Variants in PLXNB2 observed in about 807,000 individuals in gnomAD.
PLXNB2 encodes plexin B2.
Under a neutral mutation model 202.6 loss-of-function variants are expected in PLXNB2, and 85 were observed. The observed-to-expected ratio is 0.42, with a 90% CI of 0.35 to 0.50. PLXNB2 has a LOEUF of 0.50. Among genes scored for constraint, PLXNB2 ranks in the 20% least tolerant of loss-of-function variants. The probability of loss-of-function intolerance (pLI) is 0.02; values close to 1 mark genes in which losing one functional copy is unlikely to be tolerated. For synonymous variants in PLXNB2, 1,239 were observed against 1,137.6 expected, an observed-to-expected ratio of 1.09 and a Z score of -1.79; for missense variants, 2,063 against 2,586.2, an observed-to-expected ratio of 0.80 and a Z score of 4.39.
intron 1 of PLXNB2, chr22:50,300,175 G>T (rs998606788): frequency 1.4e-5 from 10 of 733,998 alleles, no homozygotes; most frequent in African/African-American, 1.9e-5. Flanking sequence ...CAGGCCGGGG[G>T]CCCAGGACGC....
rs1312511592 is a variant in PLXNB2 at position 50,288,316 on chromosome 22, G to A, written c.1381-279C>T. ...GCTCCCTCCGAGGGGTGCTCCTAGG[G>A]CTGGCCTGAGGGTCTCTGGCACTAA... On this transcript the variant is annotated intron_variant, in intron 5 of 36. Coordinates refer to ENST00000359337, the MANE Select transcript of PLXNB2 (RefSeq NM_012401.4). This position sits in a 1 kb window ranked among gnomAD's most constrained non-coding sequence, Gnocchi z 5.0. Among the ~76,000 whole-genome samples, 2 of 152,072 alleles carry A rather than the reference G, an allele frequency of 1.3e-5. No individual in the cohort carries two copies. Among genetic ancestry groups the A allele is most frequent in the Non-Finnish European group, 2.9e-5 (2 of 68,002 alleles).
In PLXNB2 at chr22:50,288,724, G is replaced by C. The variant is rs754045403; in HGVS notation, c.1380+19C>G. On this transcript the variant is annotated intron_variant, in intron 5 of 36. Coordinates refer to ENST00000359337, the MANE Select transcript of PLXNB2 (RefSeq NM_012401.4). The surrounding 1 kb of genome is among the most constrained non-coding windows in gnomAD (Gnocchi z 5.0). ...GCACACTTGGCCTAGAGTGCTCTCC[G>C]GGGCTGCGTCTGGCTCACCTTGTCC... 2.2e-5 allele frequency: 35 copies of C among 1,612,034 alleles called. 1 individual carries two copies. The Middle Eastern group carries it at 1.2e-3, about 55-fold the overall frequency.
rs761110627 is a variant in PLXNB2 at position 50,288,783 on chromosome 22, G to C, written c.1340C>G (p.Ser447Cys). The change falls in exon 5 of 37, where the codon TCT (serine) becomes TGT (cysteine). Residue 447 changes from serine to cysteine, a missense_variant. Ser to Cys is a moderately radical substitution (Grantham distance 112). Around this residue, in one of 2 missense-constraint regions of PLXNB2, gnomAD observed 1,303 missense variants for 1,476.8 expected, o/e 0.88. Transcript: ENST00000359337. The surrounding 1 kb of genome is among the most constrained non-coding windows in gnomAD (Gnocchi z 5.0). Reference protein sequence around the residue: ...NKRVKRDLVLSGDLGSLYAMT... With the variant: ...NKRVKRDLVLCGDLGSLYAMT... ...GGCGTACAGGCTGCCCAGGTCTCCA[G>C]ACAGTACCAGGTCGCGCTTGACTCT... is the stretch of plus-strand genomic sequence containing the variant. 6.2e-7 allele frequency: 1 copy of C among 1,613,130 alleles called. No homozygotes were observed.
Position 50,289,205 on chromosome 22 carries a change from C to G in PLXNB2, c.1069-63G>C. On this transcript the variant is annotated intron_variant, in intron 3 of 36. Coordinates refer to ENST00000359337, the MANE Select transcript of PLXNB2 (RefSeq NM_012401.4). This position sits in a 1 kb window ranked among gnomAD's most constrained non-coding sequence, Gnocchi z 8.0. ...TGTCCTGAAGGGCCCTCTCCACTCG[C>G]GCTCCAAGACTCGGGACAGGCCCTT... is the stretch of plus-strand genomic sequence containing the variant. 7.2e-7 allele frequency: 1 copy of G among 1,387,652 alleles called. No individual in the cohort carries two copies. The highest frequency in any genetic ancestry group is 1.4e-5 in the South Asian group (1 of 71,654). The allele number at this position is 1,387,652 out of a possible 1,614,324, so 86.0% of individuals were successfully genotyped here. A position where few individuals can be genotyped will look rare whatever the true frequency, so the allele number is the denominator to read the frequency against.
At chr22:50,299,930 C>T (rs556237455) in intron 1 of PLXNB2, among the ~76,000 whole-genome samples, 109 of 152,270 alleles carry the variant, frequency 7.2e-4, no homozygotes, top group African/African-American at 2.5e-3. Flanking sequence ...GGCGCCGGCA[C>T]CGCCAGACTC....
intron 28 of PLXNB2, 21 bp downstream of exon 28, chr22:50,278,834 C>A (rs200575888): frequency 1.2e-6 from 2 of 1,604,184 alleles, no homozygotes; most frequent in South Asian, 1.1e-5. Context: ...TGTGTGCAGA[C>A]GGGCAGGGGC....
chr22:50,276,593 G>A (rs775405488), intron 35 of PLXNB2, 36 bp downstream of exon 35: 2 of 1,532,376 alleles, frequency 1.3e-6, no homozygotes, highest in East Asian at 2.2e-5. Context: ...GTGGGAGCGG[G>A]GAGGGCTGTG....
intron 28 of PLXNB2, 25 bp from the exon 29 acceptor site, chr22:50,278,721 G>C: frequency 3.1e-6 from 5 of 1,598,690 alleles, no homozygotes; most frequent in Admixed American, 1.7e-5. Flanking sequence ...AGCCCAGCTT[G>C]GGCCCCAGCC....
Position 50,287,227 on chromosome 22 carries a change from T to C in PLXNB2, c.1646A>G (p.Glu549Gly). Residue 549 changes from glutamate to glycine, a missense_variant, in exon 8 of 37, where the codon GAG (glutamate) becomes GGG (glycine). Physicochemically the swap from Glu to Gly is moderately conservative, Grantham distance 98. Transcript: ENST00000359337. ...LTVSPLPALS[E>G]EDELLCLFGE... is the part of the protein sequence containing the mutation. ...AAAAAGGCACAGCAACTCGTCCTCC[T>C]CGCTCAGGGCAGGGAGGGGGCTGAC... 1 of 1,550,088 alleles carries C rather than the reference T, an allele frequency of 6.5e-7. No individual in the cohort carries two copies. The highest frequency in any genetic ancestry group is 8.7e-7 in the Non-Finnish European group (1 of 1,146,708).
chr22:50,288,891 C>T lies in PLXNB2; in HGVS notation c.1252-20G>A. 1 of 1,612,896 alleles carries T rather than the reference C, an allele frequency of 6.2e-7. No individual in the cohort carries two copies. The highest frequency in any genetic ancestry group is 8.5e-7 in the Non-Finnish European group (1 of 1,179,734). On this transcript the variant is annotated intron_variant, in intron 4 of 36. Coordinates refer to ENST00000359337, the MANE Select transcript of PLXNB2 (RefSeq NM_012401.4). This position sits in a 1 kb window ranked among gnomAD's most constrained non-coding sequence, Gnocchi z 5.0. ...GTACACCTGTGTGCGCGAGGGCAGG[C>T]CGGTGAGGGTACGGGCCTTGTGCAC...
In PLXNB2 at chr22:50,284,712, TG is replaced by T; in HGVS notation, c.2089-48del. The T allele has an allele frequency of 1.4e-6, 2 of 1,456,834 alleles. No homozygotes were observed. The highest frequency in any genetic ancestry group is 1.9e-6 in the Non-Finnish European group (2 of 1,038,714). 90.2% of individuals were successfully genotyped at this position (1,456,834 alleles called of 1,614,324 possible). A position where few individuals can be genotyped will look rare whatever the true frequency, so the allele number is the denominator to read the frequency against. ...CCCTGGACAGGCGGCTGTGGCACCCTGGCCCTCCTCCCAGAACCCCTGCAGC... is the reference window on the plus strand; with the variant it reads ...CCCTGGACAGGCGGCTGTGGCACCCTGCCCTCCTCCCAGAACCCCTGCAGC... On this transcript the variant is annotated intron_variant, in intron 11 of 36. Transcript: ENST00000359337. The surrounding 1 kb of genome is among the most constrained non-coding windows in gnomAD (Gnocchi z 8.0).
rs915854704 is a variant in PLXNB2, at chr22:50,291,941, C to T, written c.-13-1344G>A. Among the ~76,000 whole-genome samples the T allele has an allele frequency of 1.3e-5, 2 of 152,222 alleles. No homozygotes were observed. The highest frequency in any genetic ancestry group is 4.8e-5 in the African/African-American group (2 of 41,450). On this transcript the variant is annotated intron_variant, in intron 2 of 36. Transcript: ENST00000359337. The surrounding 1 kb of genome is among the most constrained non-coding windows in gnomAD (Gnocchi z 4.3). ...CCCCACCTCCCTGTGCAGGCCCACC[C>T]CGTGCCTCCAGAGGGACTGCCACAT...
chr22:50,306,240 C>G (rs114660075), intron 1 of PLXNB2, among the ~76,000 whole-genome samples: 1 of 152,316 alleles, frequency 6.6e-6, no homozygotes, highest in Non-Finnish European at 1.5e-5. Flanking sequence ...CCAGACCCCC[C>G]GGGACAGAGG....
At position 50,282,888 on chromosome 22, in the gene PLXNB2, G is replaced by T; in HGVS notation, c.2817-7C>A. 1 of 1,606,082 alleles carries T rather than the reference G, an allele frequency of 6.2e-7. No homozygotes were observed. ...CTGCGCCCCAAACTTCGTCCTGGGG[G>T]AGGGAGGGTGCTGGTCTGCATCAAC... On this transcript the variant is annotated splice_region_variant and splice_polypyrimidine_tract_variant and intron_variant, in intron 17 of 36. Transcript: ENST00000359337.
At position 50,279,062 on chromosome 22, in the gene PLXNB2, C is replaced by T. The variant is rs779102045; in HGVS notation, c.4390-51G>A. The T allele has an allele frequency of 3.9e-6, 6 of 1,539,228 alleles. No homozygotes were observed. The Admixed American group carries it at 1.1e-4, about 29-fold the overall frequency. The stretch of plus-strand genomic sequence containing the variant: ...CAGTGGGAGGCCCTGCTCTTACCTG[C>T]ACCATGCAGGAGCCACTCCCTGCCC... On this transcript the variant is annotated intron_variant, in intron 27 of 36. Transcript: ENST00000359337.
chr22:50,281,145 G>A lies in PLXNB2; in HGVS notation c.3707C>T (p.Ser1236Phe), dbSNP rs1207870229. The A allele has an allele frequency of 6.2e-7, 1 of 1,613,262 alleles. No individual in the cohort carries two copies. The highest frequency in any genetic ancestry group is 8.5e-7 in the Non-Finnish European group (1 of 1,179,930). ...QAEREYEKIK[S>F]QLEGLEESVR... ...GCTCTCCTCCAGGCCCTCCAGCTGG[G>A]ACTTGATCTTCTCATACTCTCGTTC... Residue 1236 changes from serine (S) to phenylalanine (F), a missense_variant, in exon 23 of 37, where the codon TCC (serine) becomes TTC (phenylalanine). By Grantham distance (155) the Ser-to-Phe change is radical. Around this residue, in one of 2 missense-constraint regions of PLXNB2, gnomAD observed 760 missense variants for 1,109.4 expected, o/e 0.69. Transcript: ENST00000359337.
intron 35 of PLXNB2, 24 bp downstream of exon 35, chr22:50,276,605 G>C (rs1294338897): frequency 1.3e-6 from 2 of 1,593,714 alleles, no homozygotes; most frequent in Non-Finnish European, 1.7e-6. Flanking sequence ...AGGGCTGTGG[G>C]TGCGTCCCTG....
chr22:50,300,472 G>A (rs565383088), intron 1 of PLXNB2, among the ~76,000 whole-genome samples: 75 of 152,326 alleles, frequency 4.9e-4, no homozygotes, highest in African/African-American at 1.8e-3. Context: ...GCAGGACTCC[G>A]GACCCAGGGT....
At chr22:50,290,687 T>C in intron 2 of PLXNB2, 90 bp from the exon 3 acceptor site, 1 of 1,352,538 alleles carries the variant, frequency 7.4e-7, no homozygotes, top group Non-Finnish European at 9.8e-7. Flanking sequence ...CGTCAGAACA[T>C]GGGAGAGAGG....
Sources: allele counts gnomAD v4.1 joint callset (sites outside exome capture counted in the v4.1 genomes callset), GRCh38; gene constraint gnomAD v4.1.1; regional missense constraint gnomAD v4.1.1; non-coding constraint Gnocchi (gnomAD v3.1); transcripts MANE v1.5; gene names NCBI Gene and HGNC (gene_info 2026-07-23, HGNC 2026-07-21).